UMAD1: variants seen among roughly 807,000 people sequenced by gnomAD.
UMAD1 encodes the protein UBAP1-MVB12-associated (UMA) domain containing 1.
A neutral mutation model predicts 6.1 loss-of-function variants in UMAD1; 8 were observed. The observed-to-expected ratio is 1.30, with a 90% confidence interval of 0.76 to 2.35. The LOEUF is 2.35. Among genes scored for constraint, UMAD1 ranks in the 30% most tolerant of loss-of-function variants. The pLI, the probability that UMAD1 is intolerant of heterozygous loss-of-function variation, is 0.00. For missense variants in UMAD1, 130 were observed against 78.4 expected (o/e 1.66, Z -2.49); for synonymous variants, 56 against 31.4 (o/e 1.78, Z -2.61).
At chr7:7,795,007 C>T (rs781255756) in intron 2 of UMAD1, among the ~76,000 whole-genome samples, 5 of 152,210 alleles carry the variant, frequency 3.3e-5, no homozygotes, top group Non-Finnish European at 7.3e-5. Context: ...CTCCTTCAAC[C>T]AACTGCCAAT....
chr7:7,773,268 T>G (rs888239428), intron 2 of UMAD1, among the ~76,000 whole-genome samples: 1 of 152,212 alleles, frequency 6.6e-6, no homozygotes, highest in Non-Finnish European at 1.5e-5. Flanking sequence ...GTTGCAACAT[T>G]AGGGGATCTT....
At chr7:7,684,368 AT>A (rs34916263) in intron 2 of UMAD1, among the ~76,000 whole-genome samples, 124 of 145,674 alleles carry the variant, frequency 8.5e-4, no homozygotes, top group Admixed American at 8.9e-4. Context: ...TTCCCGGCTA[AT>A]TTTTTTTTTT....
Position 7,830,239 on chromosome 7 carries a change from T to C in UMAD1, c.156+28496T>C, listed in dbSNP as rs1185736789. Among the ~76,000 whole-genome samples, 1 of 152,140 alleles carries C rather than the reference T, an allele frequency of 6.6e-6. No homozygotes were observed. Among genetic ancestry groups the C allele is most frequent in the African/African-American group, 2.4e-5 (1 of 41,438 alleles). On this transcript the variant is annotated intron_variant, in intron 3 of 3. Coordinates refer to ENST00000682710, the MANE Select transcript of UMAD1 (RefSeq NM_001302348.2). This position sits in a 1 kb window ranked among gnomAD's most constrained non-coding sequence, Gnocchi z 5.3. ...GAATCAACTTGCCATTTCCTAAACATGCGTTGTAATCACACGGCTCTCTGT... is the reference window on the plus strand; with the variant it reads ...GAATCAACTTGCCATTTCCTAAACACGCGTTGTAATCACACGGCTCTCTGT...
chr7:7,710,070 C>G (rs556605859), intron 2 of UMAD1, among the ~76,000 whole-genome samples: 52 of 152,182 alleles, frequency 3.4e-4, no homozygotes, highest in African/African-American at 1.2e-3. Context: ...AGCAATTTGC[C>G]TCTCTCACTC....
chr7:7,806,561 T>C (rs935404852), intron 3 of UMAD1, among the ~76,000 whole-genome samples: 1 of 152,204 alleles, frequency 6.6e-6, no homozygotes, highest in Non-Finnish European at 1.5e-5. Flanking sequence ...ATAATCCACT[T>C]ATCTTTATTA....
chr7:7,713,946 T>G (rs1780828879), intron 2 of UMAD1, among the ~76,000 whole-genome samples: 1 of 152,092 alleles, frequency 6.6e-6, no homozygotes, highest in Admixed American at 6.5e-5. Context: ...GTGATCTTCC[T>G]GCCTTGGCCT....
intron 2 of UMAD1, among the ~76,000 whole-genome samples, chr7:7,777,154 C>T (rs1782225480): frequency 6.6e-6 from 1 of 152,036 alleles, no homozygotes; most frequent in African/African-American, 2.4e-5. Flanking sequence ...CTGTACCATA[C>T]TTTATTTACT....
intron 3 of UMAD1, among the ~76,000 whole-genome samples, chr7:7,824,957 T>G (rs1235072358): frequency 6.6e-6 from 1 of 152,162 alleles, no homozygotes; most frequent in African/African-American, 2.4e-5. Context: ...TGTTTTTTTG[T>G]TTTTGTAGAA....
At chr7:7,787,076 A>G (rs1339080616) in intron 2 of UMAD1, among the ~76,000 whole-genome samples, 2 of 152,192 alleles carry the variant, frequency 1.3e-5, no homozygotes, top group African/African-American at 4.8e-5. Context: ...TAATTTCACT[A>G]AACCTGCCCC....
intron 1 of UMAD1, among the ~76,000 whole-genome samples, chr7:7,670,761 G>A (rs1307987366): frequency 6.6e-6 from 1 of 152,144 alleles, no homozygotes; most frequent in Non-Finnish European, 1.5e-5. Context: ...GGTGGAACTG[G>A]TAAGCATAAT....
chr7:7,756,535 C>A (rs960016711), intron 2 of UMAD1, among the ~76,000 whole-genome samples: 1 of 152,154 alleles, frequency 6.6e-6, no homozygotes, highest in African/African-American at 2.4e-5. Context: ...TTAGACCAGC[C>A]GCCCCTTTCT....
rs572890160 is a variant in UMAD1 at position 7,673,493 on chromosome 7, G to A, written c.82+40G>A. ...GAAACAAAATAATTAGATGAATTAT[G>A]TTCTCTTTAAAAAATTACTTGAAAA... On this transcript the variant is annotated intron_variant, in intron 2 of 3. Transcript: ENST00000682710. 1.5e-4 allele frequency: 105 copies of A among 696,612 alleles called. No homozygotes were observed. In the African/African-American group the frequency reaches 1.6e-3, roughly 11 times the overall value. The allele number at this position is 696,612 out of a possible 1,614,324, so 43.2% of individuals were successfully genotyped here. A position where few individuals can be genotyped will look rare whatever the true frequency, so the allele number is the denominator to read the frequency against.
intron 2 of UMAD1, among the ~76,000 whole-genome samples, chr7:7,678,074 T>C (rs1044371679): frequency 1.3e-5 from 2 of 152,176 alleles, no homozygotes; most frequent in Non-Finnish European, 2.9e-5. Flanking sequence ...CTCTTTGATA[T>C]GCTGATTTCT....
intron 2 of UMAD1, among the ~76,000 whole-genome samples, chr7:7,739,882 A>T (rs1781429292): frequency 6.6e-6 from 1 of 152,262 alleles, no homozygotes; most frequent in Non-Finnish European, 1.5e-5. Flanking sequence ...ATTTGTCTAT[A>T]CAAAGGAGAG....
intron 2 of UMAD1, among the ~76,000 whole-genome samples, chr7:7,678,023 T>C (rs1583724631): frequency 1.3e-5 from 2 of 152,346 alleles, no homozygotes; most frequent in Non-Finnish European, 1.5e-5. Context: ...ATATGTTGGC[T>C]ATTGTGAATA....
intron 2 of UMAD1, among the ~76,000 whole-genome samples, chr7:7,707,721 T>C (rs376608543): frequency 5.9e-5 from 9 of 152,222 alleles, no homozygotes; most frequent in African/African-American, 1.9e-4. Flanking sequence ...TGTTAATATA[T>C]AATGCTTTTT....
intron 3 of UMAD1, among the ~76,000 whole-genome samples, chr7:7,870,106 A>G (rs1449652422): frequency 2.0e-5 from 3 of 152,338 alleles, no homozygotes; most frequent in Admixed American, 6.5e-5. Context: ...TGGCCAGTCA[A>G]TTTTTTAACA....
At chr7:7,655,840 T>C (rs1785328688) in intron 1 of UMAD1, among the ~76,000 whole-genome samples, 1 of 152,002 alleles carries the variant, frequency 6.6e-6, no homozygotes, top group South Asian at 2.1e-4. Context: ...TCTCTCTCTT[T>C]GTTTTTGTTT....
At chr7:7,851,662 C>T (rs1783920320) in intron 3 of UMAD1, among the ~76,000 whole-genome samples, 1 of 152,194 alleles carries the variant, frequency 6.6e-6, no homozygotes, top group East Asian at 1.9e-4. Context: ...TAGTAATATG[C>T]TTATTGGGCT....
Sources: allele counts gnomAD v4.1 joint callset (sites outside exome capture counted in the v4.1 genomes callset), GRCh38; gene constraint gnomAD v4.1.1; non-coding constraint Gnocchi (gnomAD v3.1); transcripts MANE v1.5; gene names NCBI Gene and HGNC (gene_info 2026-07-23, HGNC 2026-07-21).